Variants in KLHL1 observed in about 807,000 individuals in gnomAD.
KLHL1 encodes the protein kelch like family member 1.
In KLHL1, 47 loss-of-function variants were observed where a neutral mutation model predicts 77.7. The observed-to-expected ratio is 0.60, with a 90% CI of 0.48 to 0.77. The LOEUF (loss-of-function observed/expected upper bound fraction) is 0.77, where lower values mean the gene tolerates loss of function less well. Among genes scored for constraint, KLHL1 ranks in the 30% least tolerant of loss-of-function variants. The pLI is 0.00. For synonymous variants in KLHL1, 360 were observed against 325.2 expected, an observed-to-expected ratio of 1.11 and a Z score of -1.15; for missense variants, 925 against 910.8, an observed-to-expected ratio of 1.02 and a Z score of -0.20.
At chr13:70,106,848 A>G (rs1888070783) in intron 1 of KLHL1, among the ~76,000 whole-genome samples, 1 of 152,184 alleles carries the variant, frequency 6.6e-6, no homozygotes, top group Admixed American at 6.5e-5. Flanking sequence ...GCAAAATTTC[A>G]TCTTCAGATA....
chr13:70,022,768 C>T (rs1215193406), intron 1 of KLHL1, among the ~76,000 whole-genome samples: 3 of 147,760 alleles, frequency 2.0e-5, no homozygotes. Context: ...GGAAATATGT[C>T]AAGTTATTCT....
intron 7 of KLHL1, among the ~76,000 whole-genome samples, chr13:69,745,925 T>G (rs1244857761): frequency 1.3e-5 from 2 of 151,708 alleles, no homozygotes; most frequent in Non-Finnish European, 3.0e-5. Context: ...ATAATTAATA[T>G]CTTTACAACA....
At chr13:69,787,127 A>G (rs1437807139) in intron 7 of KLHL1, among the ~76,000 whole-genome samples, 1 of 152,172 alleles carries the variant, frequency 6.6e-6, no homozygotes, top group Non-Finnish European at 1.5e-5. Flanking sequence ...TCAAGCTACC[A>G]GTGACTTTCT....
chr13:69,817,654 G>A (rs1017856026), intron 6 of KLHL1, among the ~76,000 whole-genome samples: 1 of 152,164 alleles, frequency 6.6e-6, no homozygotes, highest in African/African-American at 2.4e-5. Context: ...GGAGAATTAA[G>A]ATCAGGTATT....
chr13:70,059,621 G>A (rs1438587961), intron 1 of KLHL1, among the ~76,000 whole-genome samples: 1 of 152,144 alleles, frequency 6.6e-6, no homozygotes. Context: ...GAAAATATTT[G>A]CAAATTATCC....
At chr13:69,716,906 A>G (rs1312504965) in intron 9 of KLHL1, among the ~76,000 whole-genome samples, 2 of 152,100 alleles carry the variant, frequency 1.3e-5, no homozygotes, top group Non-Finnish European at 2.9e-5. Flanking sequence ...CTGAAACTCA[A>G]TGCACATTTT....
intron 5 of KLHL1, among the ~76,000 whole-genome samples, chr13:69,849,200 T>C (rs1173249025): frequency 1.3e-5 from 2 of 151,552 alleles, no homozygotes; most frequent in Non-Finnish European, 3.0e-5. Flanking sequence ...TAATCTATTT[T>C]ACTCAAGTCC....
chr13:69,756,545 A>G (rs1389998599), intron 7 of KLHL1, among the ~76,000 whole-genome samples: 1 of 152,198 alleles, frequency 6.6e-6, no homozygotes, highest in Non-Finnish European at 1.5e-5. Flanking sequence ...TAAACACCAA[A>G]GTAATAATCA....
intron 4 of KLHL1, among the ~76,000 whole-genome samples, chr13:69,899,542 T>C (rs2138223895): frequency 6.6e-6 from 1 of 152,260 alleles, no homozygotes; most frequent in South Asian, 2.1e-4. Flanking sequence ...CACGATATAT[T>C]GATGCTAGTC....
intron 1 of KLHL1, among the ~76,000 whole-genome samples, chr13:69,984,268 G>GA (rs929093562): frequency 1.6e-4 from 24 of 152,150 alleles, no homozygotes; most frequent in African/African-American, 5.8e-4. Flanking sequence ...TTTCTTTTCT[G>GA]AAAAAAAGCA....
intron 2 of KLHL1, among the ~76,000 whole-genome samples, chr13:69,968,375 A>G (rs1400256986): frequency 6.7e-6 from 1 of 149,750 alleles, no homozygotes; most frequent in East Asian, 1.9e-4. Flanking sequence ...ATATATAAAT[A>G]TACATATATA....
chr13:69,831,599 T>C (rs1469027102), intron 6 of KLHL1, among the ~76,000 whole-genome samples: 1 of 150,000 alleles, frequency 6.7e-6, no homozygotes, highest in Non-Finnish European at 1.5e-5. Flanking sequence ...AATCATTCTA[T>C]GAAACTGCTA....
chr13:69,920,163 A>T (rs1271801747), intron 4 of KLHL1, among the ~76,000 whole-genome samples: 1 of 152,040 alleles, frequency 6.6e-6, no homozygotes, highest in Non-Finnish European at 1.5e-5. Context: ...CTTTCTATTC[A>T]TTTGAAAGAG....
At chr13:69,753,744 C>A (rs9542074) in intron 7 of KLHL1, among the ~76,000 whole-genome samples, 56,695 of 151,934 alleles carry the variant, frequency 0.37, 10,828 homozygotes, top group Non-Finnish European at 0.39. Flanking sequence ...CTACTGTATT[C>A]TAACAGGGTT....
At chr13:69,983,946 G>A (rs1884791919) in intron 1 of KLHL1, among the ~76,000 whole-genome samples, 1 of 152,002 alleles carries the variant, frequency 6.6e-6, no homozygotes, top group Non-Finnish European at 1.5e-5. Flanking sequence ...TGGAAAACTG[G>A]ATATTCACAT....
In KLHL1 at chr13:70,006,102, T is replaced by C. The variant is rs7139807; in HGVS notation, c.498-30300A>G. On this transcript the variant is annotated intron_variant, in intron 1 of 10. Transcript: ENST00000377844. ...TTTAGATTCATCATATAAATGATTT[T>C]ATGTAGTATTTGTCCCTCTTTGTCT... Among the ~76,000 whole-genome samples, 819 of 152,204 alleles carry C rather than the reference T, an allele frequency of 5.4e-3. 4 individuals carry two copies. Among genetic ancestry groups the C allele is most frequent in the African/African-American group, 0.018 (735 of 41,554 alleles).
chr13:70,065,895 A>T (rs1197277810), intron 1 of KLHL1, among the ~76,000 whole-genome samples: 1 of 152,064 alleles, frequency 6.6e-6, no homozygotes, highest in Non-Finnish European at 1.5e-5. Context: ...AAAAAAAAAA[A>T]CTATTTAAAA....
intron 1 of KLHL1, among the ~76,000 whole-genome samples, chr13:70,060,719 G>A (rs1347835276): frequency 6.6e-5 from 10 of 151,946 alleles, no homozygotes; most frequent in African/African-American, 1.5e-4. Flanking sequence ...GGTGGTATGC[G>A]CCTGTAATCC....
intron 7 of KLHL1, among the ~76,000 whole-genome samples, chr13:69,794,702 A>G (rs868055030): frequency 6.6e-6 from 1 of 152,098 alleles, no homozygotes; most frequent in Non-Finnish European, 1.5e-5. Context: ...AACCACTAAG[A>G]AGAAGAAAGC....
Sources: gnomAD v4.1 joint callset for allele counts (sites outside exome capture counted in the v4.1 genomes callset) on GRCh38, gnomAD v4.1.1 for gene constraint, MANE v1.5 for transcripts, NCBI Gene and HGNC (gene_info 2026-07-23, HGNC 2026-07-21) for gene names.